The following SOX5 variants were observed in gnomAD, a reference collection of about 807,000 sequenced individuals.
SOX5 encodes transcription factor SOX-5.
SOX5 carries 9 observed loss-of-function variants against 92.0 expected under a neutral mutation model. The observed-to-expected ratio is 0.10, with a 90% CI of 0.06 to 0.17. The LOEUF (loss-of-function observed/expected upper bound fraction) is 0.17, where lower values mean the gene tolerates loss of function less well. Ranked by LOEUF, SOX5 falls within the 10% of genes least tolerant of loss-of-function variation. The pLI is 1.00. For missense variants in SOX5, 642 were observed against 944.5 expected (o/e 0.68, Z 4.20); for synonymous variants, 344 against 336.3 (o/e 1.02, Z -0.25).
At chr12:23,752,198 G>A (rs2141181206) in intron 4 of SOX5, among the ~76,000 whole-genome samples, 1 of 150,938 alleles carries the variant, frequency 6.6e-6, no homozygotes, top group South Asian at 2.1e-4. Context: ...CAGTTTGTGG[G>A]CCTGAATTAA....
At chr12:23,718,405 A>C (rs1189555612) in intron 6 of SOX5, among the ~76,000 whole-genome samples, 2 of 152,334 alleles carry the variant, frequency 1.3e-5, no homozygotes, top group East Asian at 3.9e-4. Flanking sequence ...TCCTATCTTA[A>C]TCTTTGCATA....
rs560925043 is a variant in SOX5, at chr12:24,134,898, T to A, written c.-2+78445A>T. ...AGTTTTTAAGTAATAATCCAGGGAT[T>A]AAAAAAAGTACCTTTCCTCTGTATT... On this transcript the variant is annotated intron_variant, in intron 4 of 4. Transcript: ENST00000446891. Among the ~76,000 whole-genome samples the A allele has an allele frequency of 6.1e-3, 923 of 152,220 alleles. 10 individuals carry two copies. The highest frequency in any genetic ancestry group is 0.037 in the South Asian group (180 of 4,816).
At chr12:23,821,047 T>C (rs2096103601) in intron 3 of SOX5, among the ~76,000 whole-genome samples, 1 of 152,250 alleles carries the variant, frequency 6.6e-6, no homozygotes, top group African/African-American at 2.4e-5. Flanking sequence ...TGATTCTTCC[T>C]ATCCATGAGC....
At chr12:24,234,326 T>A (rs1328721742) in intron 3 of SOX5, among the ~76,000 whole-genome samples, 1 of 152,206 alleles carries the variant, frequency 6.6e-6, no homozygotes, top group Non-Finnish European at 1.5e-5. Context: ...TTTTAAAAAA[T>A]TTCAATCAGT....
intron 1 of SOX5, among the ~76,000 whole-genome samples, chr12:23,927,318 G>T (rs1205927516): frequency 1.3e-5 from 2 of 152,028 alleles, no homozygotes; most frequent in African/African-American, 2.4e-5. Flanking sequence ...CTTTTGTGAA[G>T]AATTCATACC....
At chr12:24,231,896 T>C (rs1454355812) in intron 3 of SOX5, among the ~76,000 whole-genome samples, 7 of 152,210 alleles carry the variant, frequency 4.6e-5, no homozygotes, top group Admixed American at 3.9e-4. Flanking sequence ...TACTTTCAGT[T>C]TGACTGTCCT....
chr12:23,951,008 C>A, upstream of SOX5: 1 of 718,276 alleles, frequency 1.4e-6, no homozygotes, highest in South Asian at 1.7e-5. Flanking sequence ...CACACACTCA[C>A]TCACGCACGC....
chr12:24,064,349 CT>C (rs1306227652), intron 4 of SOX5, among the ~76,000 whole-genome samples: 1 of 152,178 alleles, frequency 6.6e-6, no homozygotes, highest in African/African-American at 2.4e-5. Context: ...CTTATGTACA[CT>C]GGTACAGTAG....
chr12:24,091,240 T>C (rs1944599782), intron 4 of SOX5, among the ~76,000 whole-genome samples: 1 of 152,086 alleles, frequency 6.6e-6, no homozygotes, highest in South Asian at 2.1e-4. Context: ...GAACACGCAA[T>C]AAAGGGAATA....
chr12:24,506,293 A>G (rs540133913), intron 1 of SOX5, among the ~76,000 whole-genome samples: 1 of 152,102 alleles, frequency 6.6e-6, no homozygotes, highest in Non-Finnish European at 1.5e-5. Context: ...AACTATTACA[A>G]ATACATGAAG....
At chr12:24,417,476 T>C (rs765268526) in intron 1 of SOX5, among the ~76,000 whole-genome samples, 8 of 152,190 alleles carry the variant, frequency 5.3e-5, no homozygotes, top group Non-Finnish European at 8.8e-5. Flanking sequence ...CCATGAAAGA[T>C]GGATAATTTT....
intron 1 of SOX5, among the ~76,000 whole-genome samples, chr12:24,387,570 A>G (rs1400930581): frequency 6.6e-6 from 1 of 152,112 alleles, no homozygotes; most frequent in African/African-American, 2.4e-5. Context: ...AAATCACTCC[A>G]GGAGATGGAG....
intron 6 of SOX5, among the ~76,000 whole-genome samples, chr12:23,692,460 A>AT (rs1046660959): frequency 6.7e-6 from 1 of 148,964 alleles, no homozygotes; most frequent in Non-Finnish European, 1.5e-5. Context: ...AAAAAGATTT[A>AT]TATTTTCCAA....
At chr12:23,565,439 G>T (rs1946904834) in intron 10 of SOX5, among the ~76,000 whole-genome samples, 1 of 152,098 alleles carries the variant, frequency 6.6e-6, no homozygotes, top group South Asian at 2.1e-4. Context: ...CATTTTTGTA[G>T]TCTATTTAGC....
At chr12:23,707,861 T>C (rs1205619544) in intron 6 of SOX5, among the ~76,000 whole-genome samples, 1 of 152,124 alleles carries the variant, frequency 6.6e-6, no homozygotes, top group Non-Finnish European at 1.5e-5. Context: ...GACTCCTGAT[T>C]TGATTAAAAC....
chr12:23,889,443 A>T (rs2097105745), intron 2 of SOX5, among the ~76,000 whole-genome samples: 1 of 152,226 alleles, frequency 6.6e-6, no homozygotes, highest in East Asian at 1.9e-4. Flanking sequence ...TTGAAAACAC[A>T]TAACTAACTG....
intron 4 of SOX5, among the ~76,000 whole-genome samples, chr12:24,191,700 T>C (rs556011737): frequency 3.9e-5 from 6 of 152,358 alleles, no homozygotes; most frequent in African/African-American, 1.4e-4. Context: ...CAGTGACAAC[T>C]GGGCCCTGAT....
At chr12:24,049,638 GTTTTTTTTTTTTTTTTTTT>G (rs527647441) in intron 4 of SOX5, among the ~76,000 whole-genome samples, 4 of 73,748 alleles carry the variant, frequency 5.4e-5, no homozygotes, top group African/African-American at 1.8e-4. Context: ...ATCCTTCATA[GTTTTTTTTTTTTTTTTTTT>G]TTTTTTTTTT....
chr12:24,427,349 G>A (rs17430842), intron 1 of SOX5, among the ~76,000 whole-genome samples: 7,260 of 152,250 alleles, frequency 0.048, 201 homozygotes, highest in Middle Eastern at 0.085. Flanking sequence ...CTTATTTAAC[G>A]GGGTGGAAGT....
Sources: allele counts gnomAD v4.1 joint callset (sites outside exome capture counted in the v4.1 genomes callset), GRCh38; gene constraint gnomAD v4.1.1; transcripts MANE v1.5; gene names NCBI Gene and HGNC (gene_info 2026-07-23, HGNC 2026-07-21).